Variants in ARHGEF18 observed in about 807,000 individuals in gnomAD.
ARHGEF18 encodes the protein rho guanine nucleotide exchange factor 18.
A neutral mutation model predicts 155.7 loss-of-function variants in ARHGEF18; 93 were observed. That is an observed-to-expected ratio of 0.60 (90% CI 0.50 to 0.71). The LOEUF (loss-of-function observed/expected upper bound fraction) is 0.71, where lower values mean the gene tolerates loss of function less well. ARHGEF18 is among the 30% of genes least tolerant of loss of function. ARHGEF18 has a pLI of 0.00. For missense variants in ARHGEF18, 1,593 were observed against 1,816.1 expected (o/e 0.88, Z 2.23); for synonymous variants, 742 against 753.1 (o/e 0.99, Z 0.24).
At chr19:7,454,245 G>T (rs887347462) in intron 17 of ARHGEF18, among the ~76,000 whole-genome samples, 1 of 150,226 alleles carries the variant, frequency 6.7e-6, no homozygotes, top group South Asian at 2.1e-4. Context: ...GGCACAATTT[G>T]GGTTGGTGGG....
At position 7,462,249 on chromosome 19, in the gene ARHGEF18, G is replaced by C. The variant is rs1177627408; in HGVS notation, c.2550G>C (p.Leu850=). Residue 850 remains leucine, a synonymous_variant, in exon 21 of 29, where the codon CTG becomes CTC. Coordinates refer to ENST00000668164, the MANE Select transcript of ARHGEF18 (RefSeq NM_001367823.1). This position sits in a 1 kb window ranked among gnomAD's most constrained non-coding sequence, Gnocchi z 4.4. The part of the protein sequence containing the change: ...EMAEMGGLED[L]PQPRGLFRGG... ...CCGAGATGGGCGGCCTCGAAGACCTGCCCCAGCCCCGAGGCCTATTCCGTG... is the reference window on the plus strand; with the variant it reads ...CCGAGATGGGCGGCCTCGAAGACCTCCCCCAGCCCCGAGGCCTATTCCGTG... The C allele has an allele frequency of 6.2e-7, 1 of 1,613,760 alleles. No individual in the cohort carries two copies. The highest frequency in any genetic ancestry group is 8.5e-7 in the Non-Finnish European group (1 of 1,180,034).
In ARHGEF18 at chr19:7,451,243, A is replaced by T; in HGVS notation, c.1832A>T (p.Glu611Val). Residue 611 changes from glutamate (E) to valine (V), a missense_variant, in exon 16 of 29, where the codon GAG becomes GTG. Glu to Val is a moderately radical substitution (Grantham distance 121, BLOSUM62 -2). Transcript: ENST00000668164. The stretch of plus-strand genomic sequence containing the variant: ...ATAACCAAATACCCAGTGCTGGTGG[A>T]GCGCATCATCCAGAACACGGAAGGT... ...QRITKYPVLV[E>V]RIIQNTEAGT... 1 of 1,610,284 alleles carries T rather than the reference A, an allele frequency of 6.2e-7. No homozygotes were observed. The highest frequency in any genetic ancestry group is 1.7e-4 in the Middle Eastern group (1 of 6,060).
intron 10 of ARHGEF18, among the ~76,000 whole-genome samples, chr19:7,407,831 C>T (rs752961305): frequency 1.4e-4 from 22 of 151,764 alleles, no homozygotes; most frequent in Non-Finnish European, 2.5e-4. Context: ...GGCGTGGTGG[C>T]CGCGCCTGGA....
intron 10 of ARHGEF18, among the ~76,000 whole-genome samples, chr19:7,428,977 G>C (rs1973810967): frequency 6.6e-6 from 1 of 152,222 alleles, no homozygotes; most frequent in Non-Finnish European, 1.5e-5. Flanking sequence ...GTGCAATAAA[G>C]TCGGGAGTGT....
chr19:7,440,781 G>A lies in ARHGEF18; in HGVS notation c.1106+299G>A, dbSNP rs1974592349. 6.6e-6 allele frequency among the ~76,000 whole-genome samples: 1 copy of A among 152,160 alleles called. No individual in the cohort carries two copies. The highest frequency in any genetic ancestry group is 2.1e-4 in the South Asian group (1 of 4,826). On this transcript the variant is annotated intron_variant, in intron 11 of 28. Transcript: ENST00000668164. The surrounding 1 kb of genome is among the most constrained non-coding windows in gnomAD (Gnocchi z 5.4). ...TGACTTACTCAAGGCGATGCTCAAA[G>A]TCCTGCTGGGTGTGTGGAGGCGGCG...
chr19:7,416,604 G>GTTT (rs1973034666), intron 10 of ARHGEF18, among the ~76,000 whole-genome samples: 2 of 54,428 alleles, frequency 3.7e-5, no homozygotes, highest in South Asian at 6.6e-4. Context: ...ATTTTATTTG[G>GTTT]GTTTTTTTTT....
At position 7,444,302 on chromosome 19, in the gene ARHGEF18, G is replaced by A. The variant is rs753575213; in HGVS notation, c.1459G>A (p.Ala487Thr). ...GGAGGAGCTGCAGTTCAGCAGCAAG[G>A]CCATTGGCCGCCTCTTCCCATGCGC... ...LQEELQFSSKAIGRLFPCADD... is the reference protein window; with the variant it reads ...LQEELQFSSKTIGRLFPCADD... The change falls in exon 14 of 29, where the codon GCC becomes ACC. Residue 487 changes from alanine (A) to threonine (T), a missense_variant. Ala to Thr is a moderately conservative substitution (Grantham distance 58). Transcript: ENST00000668164. This position sits in a 1 kb window ranked among gnomAD's most constrained non-coding sequence, Gnocchi z 4.7. The A allele has an allele frequency of 6.2e-7, 1 of 1,613,668 alleles. No individual in the cohort carries two copies. The highest frequency in any genetic ancestry group is 2.2e-5 in the East Asian group (1 of 44,882).
At chr19:7,442,207 C>G in intron 13 of ARHGEF18, among the ~76,000 whole-genome samples, 155 bp downstream of exon 13, 1 of 149,716 alleles carries the variant, frequency 6.7e-6, no homozygotes, top group African/African-American at 2.5e-5. Flanking sequence ...CTTTCCTTCT[C>G]TCTTTTGTCC....
intron 14 of ARHGEF18, among the ~76,000 whole-genome samples, chr19:7,445,951 G>A (rs1001541796): frequency 6.6e-6 from 1 of 152,082 alleles, no homozygotes; most frequent in Admixed American, 6.6e-5. Flanking sequence ...TCCTTTGGCT[G>A]AAATTTACTT....
At chr19:7,417,381 T>G (rs2145655134) in intron 10 of ARHGEF18, among the ~76,000 whole-genome samples, 1 of 152,178 alleles carries the variant, frequency 6.6e-6, no homozygotes, top group Admixed American at 6.6e-5. Flanking sequence ...AGACCCTGTC[T>G]CTATTTGAAA....
At chr19:7,357,850 A>G (rs1969373056) in intron 1 of ARHGEF18, among the ~76,000 whole-genome samples, 3 of 151,938 alleles carry the variant, frequency 2.0e-5, no homozygotes, top group Admixed American at 6.6e-5. Flanking sequence ...CCCATTACCC[A>G]TTCTGCTCAT....
intron 1 of ARHGEF18, among the ~76,000 whole-genome samples, chr19:7,362,353 G>A (rs73494892): frequency 2.8e-5 from 4 of 142,888 alleles, no homozygotes; most frequent in African/African-American, 1.2e-4. Context: ...AGAGGAGGAG[G>A]AGGAAAAACA....
At chr19:7,367,867 T>TA (rs371389313) in intron 2 of ARHGEF18, among the ~76,000 whole-genome samples, 12,711 of 20,074 alleles carry the variant, frequency 0.63, 5,307 homozygotes, top group Non-Finnish European at 0.73. Flanking sequence ...CACATATATA[T>TA]TTTTATATAT....
chr19:7,460,436 C>CG (rs762787405), intron 20 of ARHGEF18, among the ~76,000 whole-genome samples: 34 of 152,168 alleles, frequency 2.2e-4, no homozygotes, highest in Non-Finnish European at 4.0e-4. Context: ...CCCTCCCAAG[C>CG]GTGGGGTTCA....
intron 10 of ARHGEF18, among the ~76,000 whole-genome samples, chr19:7,420,906 G>T (rs1424946233): frequency 6.6e-6 from 1 of 152,160 alleles, no homozygotes; most frequent in Non-Finnish European, 1.5e-5. Flanking sequence ...ATGGATGGCG[G>T]ACAGCTCTGT....
At chr19:7,415,555 GC>G (rs2145644159) in intron 10 of ARHGEF18, among the ~76,000 whole-genome samples, 1 of 151,704 alleles carries the variant, frequency 6.6e-6, no homozygotes, top group South Asian at 2.1e-4. Flanking sequence ...CTCTCCAAGG[GC>G]CCCCAAGGCC....
chr19:7,349,337 C>T (rs938631547), intron 1 of ARHGEF18, 96 bp downstream of exon 1: 1 of 152,608 alleles, frequency 6.6e-6, no homozygotes, highest in African/African-American at 2.4e-5. Flanking sequence ...AGCAGACATA[C>T]ATCACTGTTT....
chr19:7,454,731 G>C (rs1975718890), intron 17 of ARHGEF18, among the ~76,000 whole-genome samples: 1 of 152,168 alleles, frequency 6.6e-6, no homozygotes, highest in Admixed American at 6.5e-5. Flanking sequence ...TACACACCAG[G>C]AGGGCATGCT....
At chr19:7,368,220 T>C (rs1270257313) in intron 2 of ARHGEF18, among the ~76,000 whole-genome samples, 3 of 152,138 alleles carry the variant, frequency 2.0e-5, no homozygotes, top group Non-Finnish European at 4.4e-5. Flanking sequence ...TCATGTACTA[T>C]GCAAAACTGT....
Sources: gnomAD v4.1 joint callset for allele counts (sites outside exome capture counted in the v4.1 genomes callset) on GRCh38, gnomAD v4.1.1 for gene constraint, Gnocchi (gnomAD v3.1) non-coding constraint, MANE v1.5 for transcripts, NCBI Gene and HGNC (gene_info 2026-07-23, HGNC 2026-07-21) for gene names.